The following CACNA1C variants were observed in gnomAD, a reference collection of about 807,000 sequenced individuals.
CACNA1C encodes the protein voltage-dependent L-type calcium channel subunit alpha-1C.
In CACNA1C, 30 loss-of-function variants were observed where a neutral mutation model predicts 229.0. The observed-to-expected ratio is 0.13, with a 90% CI of 0.10 to 0.18. CACNA1C has a LOEUF of 0.18. Among genes scored for constraint, CACNA1C ranks in the 10% least tolerant of loss-of-function variants. The pLI, the probability that CACNA1C is intolerant of heterozygous loss-of-function variation, is 1.00. For synonymous variants in CACNA1C, 1,114 were observed against 1,132.5 expected, an observed-to-expected ratio of 0.98 and a Z score of 0.33; for missense variants, 1,658 against 2,845.0, an observed-to-expected ratio of 0.58 and a Z score of 9.49.
intron 1 of CACNA1C, among the ~76,000 whole-genome samples, chr12:2,101,480 A>G (rs1377690111): frequency 6.6e-6 from 1 of 152,178 alleles, no homozygotes; most frequent in Non-Finnish European, 1.5e-5. Flanking sequence ...CTACAGCTCC[A>G]TCGTCGTCCT....
chr12:2,120,706 A>G (rs2086296761), intron 3 of CACNA1C, among the ~76,000 whole-genome samples: 1 of 136,364 alleles, frequency 7.3e-6, no homozygotes, highest in African/African-American at 3.0e-5. Flanking sequence ...GTTTAGTAGC[A>G]AATCCCGTGA....
chr12:2,373,366 A>G (rs1224262486), intron 3 of CACNA1C, among the ~76,000 whole-genome samples: 3 of 152,192 alleles, frequency 2.0e-5, no homozygotes, highest in Admixed American at 6.5e-5. Context: ...GGAGACAGAT[A>G]ATAAGTAAAG....
At chr12:2,310,352 A>AAATATATATATATATAT (rs201363709) in intron 3 of CACNA1C, among the ~76,000 whole-genome samples, 2 of 139,828 alleles carry the variant, frequency 1.4e-5, no homozygotes, top group Non-Finnish European at 3.1e-5. Flanking sequence ...TAAAAAAAAA[A>AAATATATATATATATAT]ATATATATAT....
chr12:2,333,081 G>A (rs1349281521), intron 3 of CACNA1C, among the ~76,000 whole-genome samples: 2 of 152,194 alleles, frequency 1.3e-5, no homozygotes, highest in Non-Finnish European at 2.9e-5. Flanking sequence ...ACTTCAGAAA[G>A]TGGGGAAGAC....
intron 9 of CACNA1C, among the ~76,000 whole-genome samples, chr12:2,545,325 C>T (rs779842738): frequency 6.9e-6 from 1 of 145,396 alleles, no homozygotes; most frequent in East Asian, 2.1e-4. Flanking sequence ...TTGAGTTATT[C>T]GGCAAATTCT....
chr12:2,061,583 A>G (rs957007568), intron 1 of CACNA1C, among the ~76,000 whole-genome samples: 1 of 152,112 alleles, frequency 6.6e-6, no homozygotes, highest in African/African-American at 2.4e-5. Flanking sequence ...GGGTGAGGAC[A>G]TGGGGATGCA....
intron 3 of CACNA1C, among the ~76,000 whole-genome samples, chr12:2,447,628 G>A (rs2099311629): frequency 6.6e-6 from 1 of 152,196 alleles, no homozygotes; most frequent in Non-Finnish European, 1.5e-5. Flanking sequence ...GGAATGAATG[G>A]GAGCCCAGGG....
intron 2 of CACNA1C, among the ~76,000 whole-genome samples, chr12:2,116,906 G>T (rs528693949): frequency 6.6e-6 from 1 of 152,328 alleles, no homozygotes; most frequent in Admixed American, 6.5e-5. Context: ...AGATTTAAAA[G>T]TCTCAGGTAC....
intron 3 of CACNA1C, among the ~76,000 whole-genome samples, chr12:2,212,552 T>C (rs972523804): frequency 1.6e-4 from 24 of 152,254 alleles, no homozygotes; most frequent in African/African-American, 5.3e-4. Context: ...GAGAGTTAGA[T>C]CAGGAATAGG....
At position 2,633,758 on chromosome 12, in the gene CACNA1C, C is replaced by G; in HGVS notation, c.3829-539C>G. ...CCCAGGAAACCTCCTCATTCCTCCT[C>G]CTCTGCCTCGTCTATTTCTCTCTCT... On this transcript the variant is annotated intron_variant, in intron 29 of 46. Coordinates refer to ENST00000399655, the MANE Select transcript of CACNA1C (RefSeq NM_000719.7). The surrounding 1 kb of genome is among the most constrained non-coding windows in gnomAD (Gnocchi z 5.8). 1.0e-6 allele frequency: 1 copy of G among 987,768 alleles called. No individual in the cohort carries two copies. Among genetic ancestry groups the G allele is most frequent in the Non-Finnish European group, 1.6e-6 (1 of 612,220 alleles). The allele number at this position is 987,768 out of a possible 1,614,324, so 61.2% of individuals were successfully genotyped here.
intron 3 of CACNA1C, among the ~76,000 whole-genome samples, chr12:2,377,786 T>A (rs927273848): frequency 1.3e-5 from 2 of 152,212 alleles, no homozygotes; most frequent in African/African-American, 2.4e-5. Flanking sequence ...GGGGAAAGGA[T>A]GCCAAGTGAG....
chr12:2,246,978 G>A (rs760990631), intron 3 of CACNA1C, among the ~76,000 whole-genome samples: 3 of 152,112 alleles, frequency 2.0e-5, no homozygotes, highest in South Asian at 2.1e-4. Flanking sequence ...GCCTACACAT[G>A]CCTGCAATAA....
intron 3 of CACNA1C, among the ~76,000 whole-genome samples, chr12:2,445,364 T>G (rs1413201923): frequency 6.6e-6 from 1 of 152,210 alleles, no homozygotes; most frequent in Non-Finnish European, 1.5e-5. Context: ...TTTCTGAGAC[T>G]TTTTCCTCAA....
chr12:2,586,467 C>G (rs141363816), intron 18 of CACNA1C, among the ~76,000 whole-genome samples: 2 of 152,206 alleles, frequency 1.3e-5, no homozygotes, highest in African/African-American at 4.8e-5. Flanking sequence ...GCTTTAATGT[C>G]AGAGATCAGA....
intron 3 of CACNA1C, among the ~76,000 whole-genome samples, chr12:2,171,114 G>A (rs146825186): frequency 2.0e-5 from 3 of 152,354 alleles, no homozygotes; most frequent in Non-Finnish European, 4.4e-5. Context: ...AATAGGTGAG[G>A]TGGACTCGGG....
chr12:2,037,592 T>G (rs1295369846), intron 1 of CACNA1C, among the ~76,000 whole-genome samples: 1 of 152,196 alleles, frequency 6.6e-6, no homozygotes, highest in Non-Finnish European at 1.5e-5. Flanking sequence ...TTCCCCACTT[T>G]GTGCAGGTCA....
chr12:2,197,499 T>G (rs1278219186), intron 3 of CACNA1C, among the ~76,000 whole-genome samples: 1 of 152,244 alleles, frequency 6.6e-6, no homozygotes, highest in Admixed American at 6.5e-5. Context: ...CTTATTATTA[T>G]GTAATAAAGC....
intron 11 of CACNA1C, 72 bp downstream of exon 11, chr12:2,557,049 C>T: frequency 5.5e-6 from 7 of 1,269,552 alleles, no homozygotes; most frequent in East Asian, 2.3e-5. Flanking sequence ...GTTGGGTGGC[C>T]CAAGGTAATA....
chr12:2,024,443 C>T (rs545680396), intron 1 of CACNA1C, among the ~76,000 whole-genome samples: 40 of 152,328 alleles, frequency 2.6e-4, no homozygotes, highest in African/African-American at 9.1e-4. Flanking sequence ...ATGTCAGACT[C>T]CCAGGCCCCT....
Sources: allele counts gnomAD v4.1 joint callset (sites outside exome capture counted in the v4.1 genomes callset), GRCh38; gene constraint gnomAD v4.1.1; non-coding constraint Gnocchi (gnomAD v3.1); transcripts MANE v1.5; gene names NCBI Gene and HGNC (gene_info 2026-07-23, HGNC 2026-07-21).